Variants in KCNJ6 observed in about 807,000 individuals in gnomAD.
The protein encoded by KCNJ6 is potassium inwardly rectifying channel subfamily J member 6, also known as G protein-activated inward rectifier potassium channel 2.
Under a neutral mutation model 34.2 loss-of-function variants are expected in KCNJ6, and 9 were observed. The observed-to-expected ratio is 0.26, with a 90% CI of 0.16 to 0.46. The LOEUF is 0.46. Among genes scored for constraint, KCNJ6 ranks in the 20% least tolerant of loss-of-function variants. KCNJ6 has a pLI of 1.00. For synonymous variants in KCNJ6, 196 were observed against 207.1 expected, an observed-to-expected ratio of 0.95 and a Z score of 0.46; for missense variants, 236 against 531.3, an observed-to-expected ratio of 0.44 and a Z score of 5.46.
intron 3 of KCNJ6, among the ~76,000 whole-genome samples, chr21:37,697,306 C>T (rs888694363): frequency 4.6e-5 from 7 of 152,114 alleles, no homozygotes; most frequent in Non-Finnish European, 8.8e-5. Flanking sequence ...CCTGTGAGGC[C>T]TCATGGAAGA....
chr21:37,718,329 C>G lies in KCNJ6; in HGVS notation c.26-3198G>C, dbSNP rs532869002. Among the ~76,000 whole-genome samples, 31 of 152,270 alleles carry G rather than the reference C, an allele frequency of 2.0e-4. 1 individual carries two copies. The South Asian group carries it at 6.4e-3, about 32-fold the overall frequency. ...GTTTGACCCATTATATATTTTGTGT[C>G]TGTTTTCAAATTGAGCCTTATCTCT... On this transcript the variant is annotated intron_variant, in intron 2 of 3. Transcript: ENST00000609713.
intron 1 of KCNJ6, among the ~76,000 whole-genome samples, chr21:37,847,745 A>G (rs1004876097): frequency 2.7e-5 from 4 of 148,966 alleles, no homozygotes; most frequent in African/African-American, 9.9e-5. Flanking sequence ...AAAGGGAGAG[A>G]CAGAGAGAGA....
chr21:37,821,742 CT>C (rs1483120040), intron 2 of KCNJ6, among the ~76,000 whole-genome samples: 2 of 152,170 alleles, frequency 1.3e-5, no homozygotes, highest in East Asian at 3.8e-4. Context: ...TATAGGAAGA[CT>C]TTAGTCTACT....
chr21:37,667,191 G>T (rs199679978), intron 3 of KCNJ6, among the ~76,000 whole-genome samples: 1,264 of 35,466 alleles, frequency 0.036, 2 homozygotes, highest in Non-Finnish European at 0.063. Flanking sequence ...AAAATTAAAT[G>T]AGGCAACGCA....
Position 37,802,974 on chromosome 21 carries a change from C to T in KCNJ6, c.25+37684G>A, listed in dbSNP as rs190468229. Reference sequence around the variant, plus strand: ...CCCTAGGTATTTCACTCAGATCCTCCACTCCTGACCTGTTTTACCCACCAG... The same window carrying T: ...CCCTAGGTATTTCACTCAGATCCTCTACTCCTGACCTGTTTTACCCACCAG... On this transcript the variant is annotated intron_variant, in intron 2 of 3. Transcript: ENST00000609713. 2.5e-3 allele frequency among the ~76,000 whole-genome samples: 386 copies of T among 152,302 alleles called. 2 individuals are homozygous for T. The highest frequency in any genetic ancestry group is 0.014 in the South Asian group (68 of 4,824).
At chr21:37,800,525 T>A (rs1413006754) in intron 2 of KCNJ6, among the ~76,000 whole-genome samples, 1 of 152,248 alleles carries the variant, frequency 6.6e-6, no homozygotes, top group African/African-American at 2.4e-5. Context: ...TTATTTCTCA[T>A]CTGGGTGATT....
chr21:37,681,223 T>C (rs1263112561), intron 3 of KCNJ6, among the ~76,000 whole-genome samples: 2 of 152,242 alleles, frequency 1.3e-5, no homozygotes, highest in African/African-American at 2.4e-5. Context: ...TCCTCTTTTC[T>C]CTCTAATTCT....
At chr21:37,914,008 G>GGT (rs371432862) in intron 1 of KCNJ6, among the ~76,000 whole-genome samples, 13,221 of 135,432 alleles carry the variant, frequency 0.098, 727 homozygotes, top group Middle Eastern at 0.16. Context: ...GGCGGATCGG[G>GGT]GTGTGTGTGT....
intron 2 of KCNJ6, among the ~76,000 whole-genome samples, chr21:37,833,894 A>G (rs1331671373): frequency 6.6e-6 from 1 of 152,142 alleles, no homozygotes; most frequent in Non-Finnish European, 1.5e-5. Flanking sequence ...ATTTGAACCA[A>G]TTGTAACAGC....
At chr21:37,742,228 A>C (rs776567117) in intron 2 of KCNJ6, among the ~76,000 whole-genome samples, 2 of 152,194 alleles carry the variant, frequency 1.3e-5, no homozygotes, top group Non-Finnish European at 2.9e-5. Flanking sequence ...TTGTTACAGA[A>C]GTTATTGTTT....
chr21:37,696,181 T>C (rs1028007100), intron 3 of KCNJ6, among the ~76,000 whole-genome samples: 1 of 152,222 alleles, frequency 6.6e-6, no homozygotes, highest in Non-Finnish European at 1.5e-5. Flanking sequence ...GAATTATCGA[T>C]GAATGCTAAA....
chr21:37,832,332 G>A (rs1217983778), intron 2 of KCNJ6, among the ~76,000 whole-genome samples: 1 of 151,718 alleles, frequency 6.6e-6, no homozygotes, highest in African/African-American at 2.4e-5. Context: ...TGTCCCGGGG[G>A]ATAAAGGGTC....
intron 1 of KCNJ6, among the ~76,000 whole-genome samples, chr21:37,895,957 GA>G (rs963061941): frequency 6.6e-6 from 1 of 152,172 alleles, no homozygotes; most frequent in Non-Finnish European, 1.5e-5. Context: ...CTGCTATAAA[GA>G]AATGCCTGAG....
chr21:37,753,568 A>AGCCT (rs2055007690), intron 2 of KCNJ6, among the ~76,000 whole-genome samples: 1 of 152,238 alleles, frequency 6.6e-6, no homozygotes, highest in South Asian at 2.1e-4. Context: ...CGACGCTCTT[A>AGCCT]GCCTGGTTCT....
intron 2 of KCNJ6, among the ~76,000 whole-genome samples, chr21:37,744,415 G>A (rs1393064948): frequency 6.6e-6 from 1 of 152,116 alleles, no homozygotes; most frequent in South Asian, 2.1e-4. Context: ...GAATGCCCTG[G>A]AAACAGAAAG....
chr21:37,752,877 T>G (rs1276912735), intron 2 of KCNJ6, among the ~76,000 whole-genome samples: 2 of 152,164 alleles, frequency 1.3e-5, no homozygotes, highest in African/African-American at 4.8e-5. Flanking sequence ...TTCTGTAAAC[T>G]GTAGGCTCTG....
At position 37,832,009 on chromosome 21, in the gene KCNJ6, C is replaced by A. The variant is rs115344794; in HGVS notation, c.25+8649G>T. On this transcript the variant is annotated intron_variant, in intron 2 of 3. Transcript: ENST00000609713. ...TCCCTGTGGGACTTTAAGAAGACCC[C>A]AAACCTCCTTTATAAAGGAAGTATG... is the stretch of plus-strand genomic sequence containing the variant. 4.1e-3 allele frequency among the ~76,000 whole-genome samples: 631 copies of A among 152,116 alleles called. 4 individuals carry two copies. Among genetic ancestry groups the A allele is most frequent in the African/African-American group, 0.014 (568 of 41,480 alleles).
intron 2 of KCNJ6, among the ~76,000 whole-genome samples, chr21:37,730,684 G>A (rs1357474081): frequency 2.0e-5 from 3 of 152,184 alleles, no homozygotes; most frequent in Non-Finnish European, 4.4e-5. Flanking sequence ...GAGCCTGCTT[G>A]GTAACACAAA....
intron 1 of KCNJ6, among the ~76,000 whole-genome samples, chr21:37,873,940 C>T (rs1007593185): frequency 2.0e-5 from 3 of 152,168 alleles, no homozygotes; most frequent in South Asian, 2.1e-4. Flanking sequence ...GTTACCACTC[C>T]ACCCTGCAAA....
Sources: gnomAD v4.1 joint callset for allele counts (sites outside exome capture counted in the v4.1 genomes callset) on GRCh38, gnomAD v4.1.1 for gene constraint, MANE v1.5 for transcripts, NCBI Gene and HGNC (gene_info 2026-07-23, HGNC 2026-07-21) for gene names.